Variants in KDM1B observed in about 807,000 individuals in gnomAD.
The protein encoded by KDM1B is lysine-specific histone demethylase 2.
Under a neutral mutation model 107.4 loss-of-function variants are expected in KDM1B, and 63 were observed. That is an observed-to-expected ratio of 0.59 (90% CI 0.48 to 0.72). The LOEUF is 0.72. Ranked by LOEUF, KDM1B falls within the 30% of genes least tolerant of loss-of-function variation. KDM1B has a pLI of 0.00. For missense variants in KDM1B, 749 were observed against 1,020.8 expected, an observed-to-expected ratio of 0.73 and a Z score of 3.63; for synonymous variants, 363 against 363.9, an observed-to-expected ratio of 1.00 and a Z score of 0.03.
chr6:18,208,603 G>GTGTGTATATATATATA (rs1359166965), intron 17 of KDM1B, among the ~76,000 whole-genome samples: 483 of 34,880 alleles, frequency 0.014, 68 homozygotes, highest in Middle Eastern at 0.02. Context: ...GTATGTGTAT[G>GTGTGTATATATATATA]TATATATATA....
chr6:18,208,603 G>GTGTGTATATATATATATATA (rs1359166965), intron 17 of KDM1B, among the ~76,000 whole-genome samples: 761 of 34,844 alleles, frequency 0.022, 116 homozygotes, highest in Admixed American at 0.026. Context: ...GTATGTGTAT[G>GTGTGTATATATATATATATA]TATATATATA....
chr6:18,155,661 A>C lies in KDM1B; in HGVS notation c.-58+90A>C, dbSNP rs940102840. 1 of 152,316 alleles carries C rather than the reference A, an allele frequency of 6.6e-6. No individual in the cohort carries two copies. The highest frequency in any genetic ancestry group is 1.5e-5 in the Non-Finnish European group (1 of 68,194). 9.4% of individuals were successfully genotyped at this position (152,316 alleles called of 1,614,324 possible). A position where few individuals can be genotyped will look rare whatever the true frequency, so the allele number is the denominator to read the frequency against. ...CACAAAGCAGCTTGGTTGGGGTGCAAGCCCTCCCTTTCCCCCTGTGCAGCG... is the reference window on the plus strand; with the variant it reads ...CACAAAGCAGCTTGGTTGGGGTGCACGCCCTCCCTTTCCCCCTGTGCAGCG... On this transcript the variant is annotated intron_variant, in intron 1 of 21. Coordinates refer to ENST00000650836, the MANE Select transcript of KDM1B (RefSeq NM_001364614.2). This position sits in a 1 kb window ranked among gnomAD's most constrained non-coding sequence, Gnocchi z 6.2.
intron 7 of KDM1B, among the ~76,000 whole-genome samples, chr6:18,180,463 C>G (rs1317223972): frequency 6.6e-6 from 1 of 152,082 alleles, no homozygotes; most frequent in East Asian, 1.9e-4. Flanking sequence ...TTTCACTCAG[C>G]CTGGGTATGC....
In KDM1B at chr6:18,200,933, A is replaced by G. The variant is rs758979827; in HGVS notation, c.1359+357A>G. On this transcript the variant is annotated intron_variant, in intron 13 of 21. Transcript: ENST00000650836. The surrounding 1 kb of genome is among the most constrained non-coding windows in gnomAD (Gnocchi z 4.3). ...TTACCCAAGTATTTCCCAGTATTAC[A>G]TGGGATATTTTACATGCAATATTTG... is the stretch of plus-strand genomic sequence containing the variant. Among the ~76,000 whole-genome samples the G allele has an allele frequency of 3.9e-5, 6 of 152,220 alleles. No homozygotes were observed. The highest frequency in any genetic ancestry group is 6.5e-5 in the Admixed American group (1 of 15,282).
chr6:18,201,768 C>T lies in KDM1B; in HGVS notation c.1531+111C>T, dbSNP rs1193390881. ...GGTCGGATGTCGGCAACAGGGTAGC[C>T]CTCCTGAGCATTTCTTTTGGACTGA... On this transcript the variant is annotated intron_variant, in intron 14 of 21. Transcript: ENST00000650836. The surrounding 1 kb of genome is among the most constrained non-coding windows in gnomAD (Gnocchi z 4.3). 1.1e-6 allele frequency: 1 copy of T among 887,610 alleles called. No individual in the cohort carries two copies. Among genetic ancestry groups the T allele is most frequent in the Non-Finnish European group, 1.7e-6 (1 of 591,642 alleles). 55.0% of individuals were successfully genotyped at this position (887,610 alleles called of 1,614,324 possible). A position where few individuals can be genotyped will look rare whatever the true frequency, so the allele number is the denominator to read the frequency against.
At chr6:18,181,766 T>C (rs1786493793) in intron 7 of KDM1B, among the ~76,000 whole-genome samples, 3 of 152,106 alleles carry the variant, frequency 2.0e-5, no homozygotes, top group Admixed American at 2.0e-4. Context: ...GTAAAAAAGT[T>C]GAAATCACTC....
rs1259271838 is a variant in KDM1B, at chr6:18,214,123, G to T, written c.2109+342G>T. On this transcript the variant is annotated intron_variant, in intron 19 of 21. Coordinates refer to ENST00000650836, the MANE Select transcript of KDM1B (RefSeq NM_001364614.2). The surrounding 1 kb of genome is among the most constrained non-coding windows in gnomAD (Gnocchi z 4.4). ...ACTTCCTCTCTGAGGGTCCTCTAGG[G>T]AGCTGGGAAAGGGTGTATGATTGGT... is the stretch of plus-strand genomic sequence containing the variant. Among the ~76,000 whole-genome samples, 1 of 152,116 alleles carries T rather than the reference G, an allele frequency of 6.6e-6. No individual in the cohort carries two copies. The highest frequency in any genetic ancestry group is 1.5e-5 in the Non-Finnish European group (1 of 68,026).
intron 21 of KDM1B, among the ~76,000 whole-genome samples, chr6:18,219,632 TCA>T: frequency 6.6e-6 from 1 of 152,230 alleles, no homozygotes; most frequent in South Asian, 2.1e-4. Context: ...CCTGGTTTCC[TCA>T]GTCTCAGAGT....
intron 5 of KDM1B, among the ~76,000 whole-genome samples, 172 bp downstream of exon 5, chr6:18,163,096 T>C (rs1785072534): frequency 6.6e-6 from 1 of 152,100 alleles, no homozygotes; most frequent in Non-Finnish European, 1.5e-5. Context: ...GTAGTTTGTG[T>C]GCATGTTTGT....
chr6:18,171,841 AG>A (rs1785684982), intron 7 of KDM1B, among the ~76,000 whole-genome samples: 1 of 152,196 alleles, frequency 6.6e-6, no homozygotes. Flanking sequence ...AAAGGGGGAA[AG>A]GTCAAAGGGC....
chr6:18,162,813 A>T lies in KDM1B; in HGVS notation c.216-22A>T. The T allele has an allele frequency of 7.5e-7, 1 of 1,329,880 alleles. No homozygotes were observed. The highest frequency in any genetic ancestry group is 1.1e-6 in the Non-Finnish European group (1 of 920,940). The allele number at this position is 1,329,880 out of a possible 1,614,324, so 82.4% of individuals were successfully genotyped here. On this transcript the variant is annotated intron_variant, in intron 4 of 21. Transcript: ENST00000650836. This position sits in a 1 kb window ranked among gnomAD's most constrained non-coding sequence, Gnocchi z 4.1. ...GAAATGTTTATTCATTACCAAAGCT[A>T]TATGTTTTTCACTATTTTCAGATGT...
rs758471151 is a variant in KDM1B, at chr6:18,214,965, T to G, written c.2110-42T>G. On this transcript the variant is annotated intron_variant, in intron 19 of 21. Transcript: ENST00000650836. The surrounding 1 kb of genome is among the most constrained non-coding windows in gnomAD (Gnocchi z 4.4). ...AAAAGAGGCCCTTATCTGTGGGAGC[T>G]GAGCACTCACAGACCTCCTGCTTTT... 1 of 1,600,832 alleles carries G rather than the reference T, an allele frequency of 6.2e-7. No individual in the cohort carries two copies. The highest frequency in any genetic ancestry group is 8.5e-7 in the Non-Finnish European group (1 of 1,174,668).
At chr6:18,193,788 C>G (rs562641121) in intron 10 of KDM1B, among the ~76,000 whole-genome samples, 1 of 151,892 alleles carries the variant, frequency 6.6e-6, no homozygotes, top group Non-Finnish European at 1.5e-5. Flanking sequence ...CTTCCTGACA[C>G]TGGGTGGAGG....
chr6:18,156,687 G>A (rs1784633085), intron 2 of KDM1B, among the ~76,000 whole-genome samples: 1 of 151,966 alleles, frequency 6.6e-6, no homozygotes, highest in Non-Finnish European at 1.5e-5. Flanking sequence ...GGCCGAGGTG[G>A]GCGATCACTT....
rs1339592060 is a variant in KDM1B, at chr6:18,222,249, G to A, written c.*257G>A. On this transcript the variant is annotated 3_prime_UTR_variant, in exon 22 of 22. Coordinates refer to ENST00000650836, the MANE Select transcript of KDM1B (RefSeq NM_001364614.2). ...AAAGTCTGGATTTCAGAATAAAGCA[G>A]AATGTAAGTTTCAGTTGAGGCCATG... 1.7e-6 allele frequency: 1 copy of A among 583,586 alleles called. No homozygotes were observed. The highest frequency in any genetic ancestry group is 1.6e-5 in the South Asian group (1 of 63,672). The allele number at this position is 583,586 out of a possible 1,614,324, so 36.2% of individuals were successfully genotyped here.
At chr6:18,180,260 C>G (rs772969299) in intron 7 of KDM1B, among the ~76,000 whole-genome samples, 1 of 151,960 alleles carries the variant, frequency 6.6e-6, no homozygotes, top group African/African-American at 2.4e-5. Flanking sequence ...ATACCATGAA[C>G]AGGCAGAGGG....
At chr6:18,156,061 G>C (rs766153584) in intron 2 of KDM1B, 135 bp downstream of exon 2, 1 of 152,174 alleles carries the variant, frequency 6.6e-6, no homozygotes, top group Admixed American at 6.5e-5. Context: ...AGAACCCCAC[G>C]GTCCTGGAGT....
chr6:18,217,889 T>A lies in KDM1B; in HGVS notation c.2385+4T>A. 1.2e-6 allele frequency: 2 copies of A among 1,606,300 alleles called. 1 individual carries two copies. The highest frequency in any genetic ancestry group is 2.2e-5 in the South Asian group (2 of 89,934). ...AACCGTCTTTTTCGCTGGTGAGGTA[T>A]GGATCTTGATTCCAAACCCAATTAT... On this transcript the variant is annotated splice_donor_region_variant and intron_variant, in intron 21 of 21. Coordinates refer to ENST00000650836, the MANE Select transcript of KDM1B (RefSeq NM_001364614.2).
chr6:18,167,183 C>T (rs966021489), intron 6 of KDM1B, among the ~76,000 whole-genome samples: 2 of 151,712 alleles, frequency 1.3e-5, no homozygotes. Context: ...GGGGAAACCC[C>T]GTCTCTACTA....
Sources: allele counts gnomAD v4.1 joint callset (sites outside exome capture counted in the v4.1 genomes callset), GRCh38; gene constraint gnomAD v4.1.1; non-coding constraint Gnocchi (gnomAD v3.1); transcripts MANE v1.5; gene names NCBI Gene and HGNC (gene_info 2026-07-23, HGNC 2026-07-21).